The following DZANK1 variants were observed in gnomAD, a reference collection of about 807,000 sequenced individuals.
DZANK1 encodes double zinc ribbon and ankyrin repeat-containing protein 1.
A neutral mutation model predicts 94.5 loss-of-function variants in DZANK1; 91 were observed. The observed-to-expected ratio is 0.96, with a 90% confidence interval of 0.81 to 1.15. The LOEUF is 1.15. Among genes scored for constraint, DZANK1 ranks in the 50% most tolerant of loss-of-function variants. The pLI, the probability that DZANK1 is intolerant of heterozygous loss-of-function variation, is 0.00. For synonymous variants in DZANK1, 312 were observed against 325.3 expected (o/e 0.96, Z 0.44); for missense variants, 903 against 916.4 (o/e 0.99, Z 0.19).
At chr20:18,451,811 G>A (rs1349292602) in intron 6 of DZANK1, 1 of 507,144 alleles carries the variant, frequency 2.0e-6, no homozygotes, top group Non-Finnish European at 3.9e-6. Flanking sequence ...CTCCTATCCT[G>A]ACCACCTCTA....
intron 8 of DZANK1, 175 bp from the exon 9 acceptor site, chr20:18,433,940 T>C (rs1176927470): frequency 3.5e-6 from 2 of 564,480 alleles, no homozygotes; most frequent in Non-Finnish European, 6.2e-6. Context: ...ATGTAAAGTT[T>C]GATTTGTTTT....
intron 7 of DZANK1, among the ~76,000 whole-genome samples, chr20:18,447,070 A>C (rs562398780): frequency 1.3e-5 from 2 of 152,350 alleles, no homozygotes; most frequent in Admixed American, 6.5e-5. Flanking sequence ...TGAACAGAAA[A>C]AGAAAAACTA....
chr20:18,398,496 G>T, intron 14 of DZANK1, 27 bp downstream of exon 14: 1 of 1,605,542 alleles, frequency 6.2e-7, no homozygotes. Context: ...GTGGACACTT[G>T]TGGAGTGGAA....
intron 8 of DZANK1, among the ~76,000 whole-genome samples, chr20:18,438,218 C>CAAAAAAAAAAAAAAAAAAAAAA (rs761846698): frequency 1.7e-5 from 1 of 57,750 alleles, no homozygotes. Context: ...GACTCTGTCT[C>CAAAAAAAAAAAAAAAAAAAAAA]AAAAAAAAAA....
Position 18,398,343 on chromosome 20 carries a change from A to G in DZANK1, c.1536+180T>C, listed in dbSNP as rs976844505. 4 of 585,764 alleles carry G rather than the reference A, an allele frequency of 6.8e-6. No homozygotes were observed. The Admixed American group carries it at 1.2e-4, about 17-fold the overall frequency. The allele number at this position is 585,764 out of a possible 1,614,324, so 36.3% of individuals were successfully genotyped here. ...CCCCAGAAGCAGACTCTGAGACAAT[A>G]TTCATGTGCAAGTGATTTATTAGAG... On this transcript the variant is annotated intron_variant, in intron 14 of 20. Transcript: ENST00000262547.
chr20:18,449,755 CAAAAA>C lies in DZANK1; in HGVS notation c.544-691_544-687del, dbSNP rs55784090. Among the ~76,000 whole-genome samples, 3 of 99,052 alleles carry C rather than the reference CAAAAA, an allele frequency of 3.0e-5. No homozygotes were observed. In the South Asian group the frequency reaches 1.0e-3, roughly 33 times the overall value. The allele number at this position is 99,052 out of a possible 152,430, so 65.0% of individuals were successfully genotyped here. On this transcript the variant is annotated intron_variant, in intron 6 of 20. Coordinates refer to ENST00000262547, the Ensembl canonical transcript of DZANK1. ...CCTGGGTGAGAGTGAGACTCTGTCT[CAAAAA>C]AAAAAAAAAAAAAAGTAAAAATAAA...
intron 13 of DZANK1, among the ~76,000 whole-genome samples, chr20:18,410,104 G>A (rs547062945): frequency 1.3e-5 from 2 of 150,400 alleles, no homozygotes; most frequent in South Asian, 4.2e-4. Flanking sequence ...ATAATCCAAA[G>A]GAATAAATTA....
chr20:18,433,965 T>G, intron 8 of DZANK1, 200 bp from the exon 9 acceptor site: 1 of 544,066 alleles, frequency 1.8e-6, no homozygotes, highest in Non-Finnish European at 3.2e-6. Flanking sequence ...AAACAATTTT[T>G]TAAATAATTA....
exon 11 of DZANK1, chr20:18,415,374 G>C (rs774169003): frequency 1.9e-6 from 3 of 1,594,634 alleles, no homozygotes; most frequent in East Asian, 4.6e-5. Context: ...AGATTCCAGC[G>C]ACCACATCTG....
chr20:18,434,530 A>C (rs950432317), intron 8 of DZANK1, among the ~76,000 whole-genome samples: 17 of 138,478 alleles, frequency 1.2e-4, no homozygotes, highest in African/African-American at 4.0e-4. Context: ...GGGTGACAAG[A>C]GCGAGACTCC....
intron 10 of DZANK1, 21 bp from the exon 11 acceptor site, chr20:18,415,470 T>A: frequency 6.7e-7 from 1 of 1,484,674 alleles, no homozygotes; most frequent in Non-Finnish European, 9.0e-7. Flanking sequence ...AAATGGCATT[T>A]AAAGGCAGGA....
At chr20:18,415,272 T>C in intron 11 of DZANK1, 55 bp downstream of exon 11, 1 of 1,378,940 alleles carries the variant, frequency 7.3e-7, no homozygotes, top group Non-Finnish European at 9.5e-7. Flanking sequence ...CCTGGCTCTC[T>C]CCAGGCCAGT....
At chr20:18,457,043 A>C (rs1246685959) in intron 3 of DZANK1, among the ~76,000 whole-genome samples, 1 of 152,184 alleles carries the variant, frequency 6.6e-6, no homozygotes, top group East Asian at 1.9e-4. Context: ...GCTTCTCCAC[A>C]TACTTGCTGA....
At chr20:18,400,675 G>A (rs2056623857) in intron 13 of DZANK1, among the ~76,000 whole-genome samples, 1 of 152,196 alleles carries the variant, frequency 6.6e-6, no homozygotes, top group African/African-American at 2.4e-5. Flanking sequence ...AGTCCACTAT[G>A]AGTAATCGAG....
Position 18,396,456 on chromosome 20 carries a change from C to A in DZANK1, c.1611+16G>T, listed in dbSNP as rs1370911050. The A allele has an allele frequency of 1.2e-6, 2 of 1,601,524 alleles. No homozygotes were observed. The highest frequency in any genetic ancestry group is 2.2e-5 in the East Asian group (1 of 44,734). ...CGGTCAGTTCTCAAATGAATAACTT[C>A]TGGAGGCTTACTCACCTTGTTTGAG... is the stretch of plus-strand genomic sequence containing the variant. On this transcript the variant is annotated intron_variant, in intron 15 of 20. Transcript: ENST00000262547.
chr20:18,398,468 T>C (rs1468438657), intron 14 of DZANK1, 55 bp downstream of exon 14: 13 of 1,534,140 alleles, frequency 8.5e-6, no homozygotes, highest in Non-Finnish European at 1.2e-5. Context: ...CCATGGAGGG[T>C]TCCTTCAGCC....
intron 13 of DZANK1, among the ~76,000 whole-genome samples, chr20:18,403,212 T>C (rs1439613532): frequency 6.6e-6 from 1 of 152,206 alleles, no homozygotes; most frequent in Non-Finnish European, 1.5e-5. Context: ...ATAGATGTTC[T>C]ACCTTTGATC....
intron 9 of DZANK1, 78 bp from the exon 10 acceptor site, chr20:18,427,237 G>T: frequency 1.8e-6 from 2 of 1,141,064 alleles, no homozygotes; most frequent in Non-Finnish European, 2.5e-6. Context: ...AGTCTTTTCT[G>T]TCAGTCATTC....
At position 18,421,481 on chromosome 20, in the gene DZANK1, T is replaced by C. The variant is rs2057775508; in HGVS notation, c.954+5586A>G. On this transcript the variant is annotated intron_variant, in intron 10 of 20. Transcript: ENST00000262547. ...TCAAATGCCAATCAGGGACTTTGCTTGGTTAAGGGCAGTCTTCTAGGCTTT... is the reference window on the plus strand; with the variant it reads ...TCAAATGCCAATCAGGGACTTTGCTCGGTTAAGGGCAGTCTTCTAGGCTTT... The C allele has an allele frequency of 2.6e-5, 4 of 152,744 alleles. No homozygotes were observed. The South Asian group carries it at 8.3e-4, about 32-fold the overall frequency. 9.5% of individuals were successfully genotyped at this position (152,744 alleles called of 1,614,324 possible). A position where few individuals can be genotyped will look rare whatever the true frequency, so the allele number is the denominator to read the frequency against.
Sources: gnomAD v4.1 joint callset for allele counts (sites outside exome capture counted in the v4.1 genomes callset) on GRCh38, gnomAD v4.1.1 for gene constraint, MANE v1.5 for transcripts, NCBI Gene and HGNC (gene_info 2026-07-23, HGNC 2026-07-21) for gene names.